Variants in ZNF74 observed in about 807,000 individuals in gnomAD.
ZNF74 encodes the protein zinc finger protein 520.
Under a neutral mutation model 17.7 loss-of-function variants are expected in ZNF74, and 12 were observed. The ratio of observed to expected loss-of-function variants is 0.68; its 90% CI spans 0.43 to 1.10. ZNF74 has a LOEUF of 1.10. ZNF74 is among the 50% of genes least tolerant of loss of function. The probability of loss-of-function intolerance (pLI) is 0.00; values close to 1 mark genes in which losing one functional copy is unlikely to be tolerated. For synonymous variants in ZNF74, 358 were observed against 362.1 expected, an observed-to-expected ratio of 0.99 and a Z score of 0.13; for missense variants, 811 against 881.0, an observed-to-expected ratio of 0.92 and a Z score of 1.01.
intron 2 of ZNF74, among the ~76,000 whole-genome samples, chr22:20,395,871 T>C (rs1324809238): frequency 1.3e-5 from 2 of 151,848 alleles, no homozygotes; most frequent in Non-Finnish European, 2.9e-5. Flanking sequence ...TGGTTAAGAG[T>C]GGCGGTAGGG....
chr22:20,405,366 A>T lies in ZNF74; in HGVS notation c.344-11A>T, dbSNP rs1297098440. The T allele has an allele frequency of 6.3e-7, 1 of 1,583,706 alleles. No homozygotes were observed. Among genetic ancestry groups the T allele is most frequent in the East Asian group, 2.2e-5 (1 of 44,708 alleles). The stretch of plus-strand genomic sequence containing the variant: ...GCTTGCTCACAGAAAATCATTTTCA[A>T]TATCTTACAGAATGGGAGCTGAAGG... On this transcript the variant is annotated splice_polypyrimidine_tract_variant and intron_variant, in intron 4 of 4. Transcript: ENST00000400451.
chr22:20,400,890 T>A, intron 3 of ZNF74, 132 bp downstream of exon 3: 1 of 1,173,520 alleles, frequency 8.5e-7, no homozygotes, highest in Non-Finnish European at 1.2e-6. Flanking sequence ...GGCCTGTGCC[T>A]TGGGGCACTC....
chr22:20,396,227 A>G lies in ZNF74; in HGVS notation c.120+809A>G, dbSNP rs2052292144. Among the ~76,000 whole-genome samples the G allele has an allele frequency of 2.6e-5, 4 of 151,336 alleles. No homozygotes were observed. The South Asian group carries it at 8.3e-4, about 31-fold the overall frequency. Reference sequence around the variant, plus strand: ...TGCCACTCAAAAGAGGTGATGGCAGATTATAGCCAGCTAGAAACAGCTGCA... The same window carrying G: ...TGCCACTCAAAAGAGGTGATGGCAGGTTATAGCCAGCTAGAAACAGCTGCA... On this transcript the variant is annotated intron_variant, in intron 2 of 4. Coordinates refer to ENST00000400451, the MANE Select transcript of ZNF74 (RefSeq NM_003426.4).
chr22:20,400,667 C>T lies in ZNF74; in HGVS notation c.156C>T (p.Phe52=). ...GTTTCAAGGATGTGGCTGTGGACTT[C>T]ACCCAGGAGGAGTGGGGTCAACTAG... ...SVSFKDVAVD[F]TQEEWGQLDS... The change falls in exon 3 of 5, where the codon TTC becomes TTT. Residue 52 remains phenylalanine (F), a synonymous_variant. Coordinates refer to ENST00000400451, the MANE Select transcript of ZNF74 (RefSeq NM_003426.4). The T allele has an allele frequency of 6.2e-7, 1 of 1,614,162 alleles. No homozygotes were observed. The highest frequency in any genetic ancestry group is 8.5e-7 in the Non-Finnish European group (1 of 1,180,012).
rs1182004654 is a variant in ZNF74, at chr22:20,405,423, A to G, written c.390A>G (p.Lys130=). The change falls in exon 5 of 5, where the codon AAA becomes AAG. Residue 130 remains lysine, a synonymous_variant. Transcript: ENST00000400451. ...CCTCTCAACAGCAGGGCATTTGCAA[A>G]GAAGAACCGGCCCAGGAGCCCATCA... ...AVPSQQQGIC[K]EEPAQEPIME... is the part of the protein sequence containing the mutation. 1.9e-6 allele frequency: 3 copies of G among 1,613,232 alleles called. No individual in the cohort carries two copies. The highest frequency in any genetic ancestry group is 2.5e-6 in the Non-Finnish European group (3 of 1,179,832).
chr22:20,394,831 G>T (rs927460451), intron 1 of ZNF74, 169 bp downstream of exon 1: 4 of 627,830 alleles, frequency 6.4e-6, no homozygotes, highest in Non-Finnish European at 1.1e-5. Context: ...CTTGATCTCC[G>T]CTCACTGCAA....
rs1439530675 is a variant in ZNF74 at position 20,408,320 on chromosome 22, G to A, written c.*1352G>A. 1.3e-5 allele frequency: 2 copies of A among 152,120 alleles called. No homozygotes were observed. Among genetic ancestry groups the A allele is most frequent in the Admixed American group, 6.5e-5 (1 of 15,272 alleles). 9.4% of individuals were successfully genotyped at this position (152,120 alleles called of 1,614,324 possible). On this transcript the variant is annotated 3_prime_UTR_variant, in exon 5 of 5. Transcript: ENST00000400451. ...CCCTCTTGGTGATCATACTTTATAC[G>A]GAGTGCTATCGTTTATGAAATGCTT...
rs1378875161 is a variant in ZNF74 at position 20,405,855 on chromosome 22, G to A, written c.822G>A (p.Lys274=). The A allele has an allele frequency of 4.3e-6, 7 of 1,613,588 alleles. No individual in the cohort carries two copies. Among genetic ancestry groups the A allele is most frequent in the East Asian group, 2.2e-5 (1 of 44,886 alleles). Residue 274 remains lysine, a synonymous_variant, in exon 5 of 5, where the codon AAG becomes AAA. Transcript: ENST00000400451. ...ACCGGCGCTGGCACAGCCGGGAGAAGGCTTACAAGTGCGATGAATGCGGCA... is the reference window on the plus strand; with the variant it reads ...ACCGGCGCTGGCACAGCCGGGAGAAAGCTTACAAGTGCGATGAATGCGGCA... The part of the protein sequence containing the change: ...TLHRRWHSRE[K]AYKCDECGKA...
At chr22:20,403,510 AAGTTGCC>A (rs2052380989) in intron 4 of ZNF74, among the ~76,000 whole-genome samples, 1 of 151,866 alleles carries the variant, frequency 6.6e-6, no homozygotes, top group South Asian at 2.1e-4. Flanking sequence ...TTCCAGTCTG[AAGTTGCC>A]ATTTTTCACC....
At chr22:20,400,474 A>C in intron 2 of ZNF74, 158 bp from the exon 3 acceptor site, 7 of 771,724 alleles carry the variant, frequency 9.1e-6, no homozygotes, top group East Asian at 2.7e-5. Flanking sequence ...CTGGTCCCCG[A>C]ATTCAGTCAT....
rs763417111 is a variant in ZNF74, at chr22:20,405,834, G to T, written c.801G>T (p.Arg267=). The part of the protein sequence containing the change: ...FRQSSSLTLH[R]RWHSREKAYK... ...AGAGCTCCTCCCTCACGCTGCACCG[G>T]CGCTGGCACAGCCGGGAGAAGGCTT... is the stretch of plus-strand genomic sequence containing the variant. The change falls in exon 5 of 5, where the codon CGG becomes CGT. Residue 267 remains arginine, a synonymous_variant. Transcript: ENST00000400451. 3 of 1,613,342 alleles carry T rather than the reference G, an allele frequency of 1.9e-6. No individual in the cohort carries two copies.
chr22:20,398,094 G>C (rs548565321), intron 2 of ZNF74, among the ~76,000 whole-genome samples: 1 of 152,274 alleles, frequency 6.6e-6, no homozygotes, highest in Admixed American at 6.5e-5. Flanking sequence ...TGAGGTGGGT[G>C]GAACACTTGA....
chr22:20,401,247 A>G lies in ZNF74; in HGVS notation c.248-30A>G. On this transcript the variant is annotated intron_variant, in intron 3 of 4. Transcript: ENST00000400451. The surrounding 1 kb of genome is among the most constrained non-coding windows in gnomAD (Gnocchi z 4.2). ...TCGACTGGGCCTGGAGAGCTGCAGC[A>G]TGCCCAGCCCACTTTCTCTCCACGA... The G allele has an allele frequency of 6.6e-7, 1 of 1,524,524 alleles. No homozygotes were observed. The highest frequency in any genetic ancestry group is 9.0e-7 in the Non-Finnish European group (1 of 1,105,490). 94.4% of individuals were successfully genotyped at this position (1,524,524 alleles called of 1,614,324 possible). A position where few individuals can be genotyped will look rare whatever the true frequency, so the allele number is the denominator to read the frequency against.
chr22:20,397,698 A>T (rs2052311035), intron 2 of ZNF74, among the ~76,000 whole-genome samples: 2 of 152,172 alleles, frequency 1.3e-5, no homozygotes, highest in Non-Finnish European at 2.9e-5. Context: ...GTGAATCAGT[A>T]GTTTGTTCCT....
chr22:20,405,283 C>T, intron 4 of ZNF74, 94 bp from the exon 5 acceptor site: 1 of 1,374,626 alleles, frequency 7.3e-7, no homozygotes, highest in Non-Finnish European at 9.9e-7. Context: ...CCTCTCTTTT[C>T]TGGGCTTATC....
chr22:20,402,742 G>A (rs184051600), intron 4 of ZNF74, among the ~76,000 whole-genome samples: 17 of 150,836 alleles, frequency 1.1e-4, no homozygotes, highest in African/African-American at 3.2e-4. Flanking sequence ...CAGAGGTTGC[G>A]GTGAGCTGAG....
In ZNF74 at chr22:20,395,381, A is replaced by G. The variant is rs1248463212; in HGVS notation, c.83A>G (p.Asp28Gly). 1 of 1,607,152 alleles carries G rather than the reference A, an allele frequency of 6.2e-7. No homozygotes were observed. The highest frequency in any genetic ancestry group is 8.5e-7 in the Non-Finnish European group (1 of 1,174,700). Residue 28 changes from aspartate to glycine, a missense_variant, in exon 2 of 5, where the codon GAT becomes GGT. Transcript: ENST00000400451. Reference sequence around the variant, plus strand: ...CTTTCCCTGAAAGAGAATCTCGAGGATATATCGGGTTGGGGTCTTCCCGAA... The same window carrying G: ...CTTTCCCTGAAAGAGAATCTCGAGGGTATATCGGGTTGGGGTCTTCCCGAA... ...PALSLKENLE[D>G]ISGWGLPEAR...
intron 4 of ZNF74, among the ~76,000 whole-genome samples, chr22:20,404,495 T>C (rs1316448618): frequency 6.6e-6 from 1 of 152,024 alleles, no homozygotes; most frequent in Non-Finnish European, 1.5e-5. Context: ...TCCTGGCTAA[T>C]TTTGTATTTT....
At chr22:20,400,312 AC>A (rs1203600787) in intron 2 of ZNF74, 2 of 292,264 alleles carry the variant, frequency 6.8e-6, no homozygotes, top group African/African-American at 2.2e-5. Context: ...ATAGCATCTC[AC>A]CCAGGACTTA....
Sources: gnomAD v4.1 joint callset for allele counts (sites outside exome capture counted in the v4.1 genomes callset) on GRCh38, gnomAD v4.1.1 for gene constraint, Gnocchi (gnomAD v3.1) non-coding constraint, MANE v1.5 for transcripts, NCBI Gene and HGNC (gene_info 2026-07-23, HGNC 2026-07-21) for gene names.